The following SPMIP2 variants were observed in gnomAD, a reference collection of about 807,000 sequenced individuals.
The protein encoded by SPMIP2 is sperm microtubule inner protein 2, also known as protein SPMIP2.
chr4:159,034,928 CAT>C, the SPMIP2 span: 2 of 800,480 alleles, frequency 2.5e-6, no homozygotes, highest in South Asian at 1.8e-5. Context: ...AAACAAAAAA[CAT>C]ATGTGATCAT....
the SPMIP2 span, among the ~76,000 whole-genome samples, chr4:158,985,215 C>G: frequency 2.8e-5 from 4 of 144,752 alleles, no homozygotes; most frequent in Non-Finnish European, 6.0e-5. Flanking sequence ...CAAGGAGGAA[C>G]TGGTACCATT....
the SPMIP2 span, among the ~76,000 whole-genome samples, chr4:158,934,251 A>G: frequency 5.3e-5 from 8 of 152,190 alleles, no homozygotes; most frequent in African/African-American, 1.9e-4. Context: ...ACTTGAGGTC[A>G]GAAGTTTGAG....
the SPMIP2 span, among the ~76,000 whole-genome samples, chr4:158,964,513 A>G: frequency 6.6e-6 from 1 of 152,248 alleles, no homozygotes; most frequent in African/African-American, 2.4e-5. Context: ...GTTACGCAAC[A>G]GAAAACCAAT....
At chr4:158,909,737 C>T in the SPMIP2 span, among the ~76,000 whole-genome samples, 58 of 152,108 alleles carry the variant, frequency 3.8e-4, no homozygotes, top group African/African-American at 1.3e-3. Context: ...ACACACCCAG[C>T]TAATTTTTTT....
the SPMIP2 span, among the ~76,000 whole-genome samples, chr4:158,967,742 G>T: frequency 4.2e-4 from 64 of 152,258 alleles, no homozygotes; most frequent in South Asian, 6.8e-3. Context: ...TCTGAAATAT[G>T]TATTTTGGTG....
chr4:158,911,866 A>G, the SPMIP2 span, among the ~76,000 whole-genome samples: 2 of 152,222 alleles, frequency 1.3e-5, no homozygotes, highest in African/African-American at 2.4e-5. Context: ...AAGGGGGACA[A>G]TGAGAACATT....
the SPMIP2 span, among the ~76,000 whole-genome samples, chr4:159,039,309 A>C: frequency 6.6e-6 from 1 of 152,202 alleles, no homozygotes; most frequent in African/African-American, 2.4e-5. Flanking sequence ...GACTGTGTGG[A>C]GAATGGGCTT....
At chr4:158,908,220 T>C in the SPMIP2 span, among the ~76,000 whole-genome samples, 1 of 152,184 alleles carries the variant, frequency 6.6e-6, no homozygotes, top group Non-Finnish European at 1.5e-5. Flanking sequence ...TTAGGGTTAC[T>C]GGCACAGAGA....
At chr4:159,007,986 C>T in the SPMIP2 span, among the ~76,000 whole-genome samples, 3 of 152,188 alleles carry the variant, frequency 2.0e-5, no homozygotes, top group African/African-American at 7.2e-5. Flanking sequence ...CCTGTAGTCC[C>T]AGCTACTTGG....
At chr4:159,038,414 G>T in the SPMIP2 span, among the ~76,000 whole-genome samples, 1 of 152,096 alleles carries the variant, frequency 6.6e-6, no homozygotes, top group African/African-American at 2.4e-5. Flanking sequence ...TTTCATGTGC[G>T]TCAGGGCCAT....
At chr4:159,020,763 T>C in the SPMIP2 span, among the ~76,000 whole-genome samples, 1 of 152,148 alleles carries the variant, frequency 6.6e-6, no homozygotes, top group Non-Finnish European at 1.5e-5. Flanking sequence ...GTCGTTGTTG[T>C]TGTTGTTTTT....
the SPMIP2 span, among the ~76,000 whole-genome samples, chr4:159,079,057 G>A: frequency 6.6e-6 from 1 of 152,084 alleles, no homozygotes. Flanking sequence ...GGTGGAGGTC[G>A]CAGTGAGCTG....
At chr4:159,023,447 A>C in the SPMIP2 span, among the ~76,000 whole-genome samples, 2 of 152,188 alleles carry the variant, frequency 1.3e-5, no homozygotes, top group Non-Finnish European at 2.9e-5. Context: ...CACATGAGCC[A>C]ATCCCTCATT....
the SPMIP2 span, among the ~76,000 whole-genome samples, chr4:159,021,657 A>G: frequency 3.3e-5 from 5 of 150,344 alleles, no homozygotes; most frequent in African/African-American, 1.2e-4. Context: ...CCTGATTTCT[A>G]TCTCTATCTT....
At chr4:158,955,869 A>C in the SPMIP2 span, among the ~76,000 whole-genome samples, 1 of 152,238 alleles carries the variant, frequency 6.6e-6, no homozygotes, top group Non-Finnish European at 1.5e-5. Flanking sequence ...AAGTCCGGTA[A>C]TTGTGCTCTA....
At chr4:158,968,394 A>G in the SPMIP2 span, among the ~76,000 whole-genome samples, 1 of 152,236 alleles carries the variant, frequency 6.6e-6, no homozygotes, top group African/African-American at 2.4e-5. Context: ...GTGGGATGCT[A>G]GGAGACAATT....
the SPMIP2 span, among the ~76,000 whole-genome samples, chr4:158,925,480 A>G: frequency 2.6e-5 from 4 of 152,200 alleles, no homozygotes; most frequent in African/African-American, 7.2e-5. Flanking sequence ...ACCAGGGACC[A>G]GTTTCATGGA....
the SPMIP2 span, chr4:158,960,378 C>A: frequency 7.5e-7 from 1 of 1,338,110 alleles, no homozygotes; most frequent in South Asian, 1.3e-5. Flanking sequence ...TACCATAATT[C>A]CAAAGTAAAG....
the SPMIP2 span, among the ~76,000 whole-genome samples, chr4:159,048,525 G>A: frequency 6.6e-6 from 1 of 152,022 alleles, no homozygotes; most frequent in Non-Finnish European, 1.5e-5. Flanking sequence ...TTGGCTCAGA[G>A]CCACATGGAC....
Sources: gnomAD v4.1 joint callset for allele counts (sites outside exome capture counted in the v4.1 genomes callset) on GRCh38, gnomAD v4.1.1 for gene constraint, MANE v1.5 for transcripts, NCBI Gene and HGNC (gene_info 2026-07-23, HGNC 2026-07-21) for gene names.